AMD1: variants seen among roughly 807,000 people sequenced by gnomAD.
AMD1 encodes adenosylmethionine decarboxylase 1.
In AMD1, 11 loss-of-function variants were observed where a neutral mutation model predicts 40.2. That is an observed-to-expected ratio of 0.27 (90% CI 0.17 to 0.45). AMD1 has a LOEUF of 0.45. AMD1 is among the 20% of genes least tolerant of loss of function. The pLI, the probability that AMD1 is intolerant of heterozygous loss-of-function variation, is 1.00. For missense variants in AMD1, 257 were observed against 410.2 expected (o/e 0.63, Z 3.23); for synonymous variants, 121 against 130.8 (o/e 0.93, Z 0.51).
At chr6:110,822,839 G>A in the AMD1 span, among the ~76,000 whole-genome samples, 2 of 152,284 alleles carry the variant, frequency 1.3e-5, no homozygotes, top group South Asian at 4.1e-4. Context: ...ACCAGACTGG[G>A]CACAGTGGCT....
the AMD1 span, among the ~76,000 whole-genome samples, chr6:110,841,460 A>G: frequency 2.0e-5 from 3 of 152,228 alleles, no homozygotes; most frequent in Non-Finnish European, 1.5e-5. Flanking sequence ...CCCAGCTCGC[A>G]GCCTATGCCC....
intron 1 of AMD1, among the ~76,000 whole-genome samples, chr6:110,876,263 A>G (rs9487544): frequency 0.052 from 7,903 of 152,312 alleles, 269 homozygotes; most frequent in South Asian, 0.1. Context: ...GTGGCCACCA[A>G]TGGCCTTCCT....
the AMD1 span, among the ~76,000 whole-genome samples, chr6:110,855,433 A>T: frequency 2.6e-5 from 4 of 152,186 alleles, no homozygotes; most frequent in Non-Finnish European, 4.4e-5. Flanking sequence ...AGTTTGATAC[A>T]ATTATAAAGT....
chr6:110,877,269 A>C (rs975796603), intron 1 of AMD1, among the ~76,000 whole-genome samples: 1 of 152,280 alleles, frequency 6.6e-6, no homozygotes, highest in Non-Finnish European at 1.5e-5. Flanking sequence ...CAAGTTAAGC[A>C]AGAACTGAAA....
the AMD1 span, among the ~76,000 whole-genome samples, chr6:110,851,482 A>G: frequency 6.6e-6 from 1 of 151,468 alleles, no homozygotes; most frequent in Non-Finnish European, 1.5e-5. Flanking sequence ...TGTCGTTTTG[A>G]TATGGAATGT....
chr6:110,859,414 C>T, the AMD1 span, among the ~76,000 whole-genome samples: 6,023 of 152,130 alleles, frequency 0.04, 140 homozygotes, highest in South Asian at 0.1. Context: ...GGCTGTGGGC[C>T]GAGCAGTGCT....
chr6:110,837,608 G>T, the AMD1 span, among the ~76,000 whole-genome samples: 2 of 148,790 alleles, frequency 1.3e-5, no homozygotes, highest in East Asian at 2.0e-4. Context: ...CTATTCGGGA[G>T]TCTGAGGCAG....
chr6:110,866,661 A>AT, the AMD1 span, among the ~76,000 whole-genome samples: 9 of 151,866 alleles, frequency 5.9e-5, no homozygotes, highest in African/African-American at 2.2e-4. Context: ...AAAAAAATTA[A>AT]TTTTTTTTGA....
intron 1 of AMD1, among the ~76,000 whole-genome samples, chr6:110,876,683 GATT>G (rs1291644980): frequency 1.3e-5 from 2 of 152,092 alleles, no homozygotes; most frequent in Non-Finnish European, 2.9e-5. Flanking sequence ...GCTCACGTGA[GATT>G]ATAGGAAGCG....
At chr6:110,857,609 G>GTA in the AMD1 span, among the ~76,000 whole-genome samples, 1,655 of 106,148 alleles carry the variant, frequency 0.016, 14 homozygotes, top group Middle Eastern at 0.031. Context: ...TATATATATG[G>GTA]TATATATATA....
At chr6:110,820,098 A>G in the AMD1 span, among the ~76,000 whole-genome samples, 1 of 152,216 alleles carries the variant, frequency 6.6e-6, no homozygotes. Context: ...CATGTAACCA[A>G]GAAATAACTG....
At chr6:110,851,673 G>C in the AMD1 span, among the ~76,000 whole-genome samples, 21 of 152,198 alleles carry the variant, frequency 1.4e-4, no homozygotes, top group African/African-American at 4.6e-4. Flanking sequence ...TGTTGGTCAG[G>C]CTGGTCTCAA....
At chr6:110,819,539 T>C in the AMD1 span, among the ~76,000 whole-genome samples, 1 of 152,156 alleles carries the variant, frequency 6.6e-6, no homozygotes, top group African/African-American at 2.4e-5. Context: ...TTCAGCAATA[T>C]GGTAGAAATT....
the AMD1 span, among the ~76,000 whole-genome samples, chr6:110,851,700 G>A: frequency 1.3e-5 from 2 of 152,016 alleles, no homozygotes; most frequent in African/African-American, 4.8e-5. Flanking sequence ...GACCTCAAGC[G>A]ATTTGCCCAC....
the AMD1 span, among the ~76,000 whole-genome samples, chr6:110,821,471 G>C: frequency 0.061 from 9,291 of 152,036 alleles, 336 homozygotes; most frequent in African/African-American, 0.1. Context: ...AAAATTAGCC[G>C]AGTGTGGTGG....
chr6:110,844,397 A>G, the AMD1 span, among the ~76,000 whole-genome samples: 1 of 151,066 alleles, frequency 6.6e-6, no homozygotes, highest in African/African-American at 2.4e-5. Flanking sequence ...ACCTCAGGTG[A>G]TCCTCCCGCC....
the AMD1 span, among the ~76,000 whole-genome samples, chr6:110,857,207 A>G: frequency 6.6e-6 from 1 of 151,624 alleles, no homozygotes; most frequent in Non-Finnish European, 1.5e-5. Context: ...TGTCCAGATA[A>G]CAGAATAGCT....
In AMD1 at chr6:110,892,927, T is replaced by C; in HGVS notation, c.726T>C (p.Ile242=). ...GMKSDGTYWT[I]HITPEPEFSY... is the part of the protein sequence containing the mutation. ...TCTCTCAGGGAACTTATTGGACTAT[T>C]CACATCACTCCAGAACCAGAATTTT... Residue 242 remains isoleucine, a synonymous_variant, in exon 8 of 9, where the codon ATT becomes ATC. Coordinates refer to ENST00000368885, the MANE Select transcript of AMD1 (RefSeq NM_001634.6). The C allele has an allele frequency of 6.2e-7, 1 of 1,614,074 alleles. No homozygotes were observed. Among genetic ancestry groups the C allele is most frequent in the Non-Finnish European group, 8.5e-7 (1 of 1,180,022 alleles).
chr6:110,822,293 G>C, the AMD1 span, among the ~76,000 whole-genome samples: 2,042 of 152,094 alleles, frequency 0.013, 49 homozygotes, highest in African/African-American at 0.047. Flanking sequence ...ATTTGAGACT[G>C]CTATGAACAA....
Sources: gnomAD v4.1 joint callset for allele counts (sites outside exome capture counted in the v4.1 genomes callset) on GRCh38, gnomAD v4.1.1 for gene constraint, MANE v1.5 for transcripts, NCBI Gene and HGNC (gene_info 2026-07-23, HGNC 2026-07-21) for gene names.